The following GDF1 variants were observed in gnomAD, a reference collection of about 807,000 sequenced individuals.
GDF1 encodes the protein embryonic growth/differentiation factor 1.
GDF1 carries 8 observed loss-of-function variants against 7.4 expected under a neutral mutation model. The ratio of observed to expected loss-of-function variants is 1.09; its 90% CI spans 0.64 to 1.96. The LOEUF is 1.96. Ranked by LOEUF, GDF1 falls within the 30% of genes most tolerant of loss-of-function variation. The pLI is 0.00. For synonymous variants in GDF1, 311 were observed against 276.7 expected (o/e 1.12, Z -1.23); for missense variants, 574 against 551.5 (o/e 1.04, Z -0.41).
chr19:18,889,381 G>A (rs542275008), intron 2 of GDF1, among the ~76,000 whole-genome samples: 136 of 152,084 alleles, frequency 8.9e-4, no homozygotes, highest in South Asian at 7.3e-3. Flanking sequence ...CACAGGATAG[G>A]GGGGAAGTCC....
rs886786707 is a variant in GDF1 at position 18,870,266 on chromosome 19, G to T, written c.42C>A (p.Leu14=). The change falls in exon 7 of 8, where the codon CTC becomes CTA. Residue 14 remains leucine, a synonymous_variant. Transcript: ENST00000247005. This position sits in a 1 kb window ranked among gnomAD's most constrained non-coding sequence, Gnocchi z 5.1. ...AGGGCAGCAGCAGGGCCAGGAGGAG[G>T]AGGAGGTGGTGGCCGCAGGGACCTT... is the stretch of plus-strand genomic sequence containing the variant. The part of the protein sequence containing the change: ...PQQGPCGHHL[L]LLLALLLPSL... 1 of 1,550,942 alleles carries T rather than the reference G, an allele frequency of 6.4e-7. No individual in the cohort carries two copies. The highest frequency in any genetic ancestry group is 2.4e-5 in the East Asian group (1 of 41,806).
Position 18,870,325 on chromosome 19 carries a change from A to G in GDF1, c.-18T>C. Reference sequence around the variant, plus strand: ...GGTGGCATCTTCCTCCCAGGCGATGACCAGAGAGTGCGCAGGGTCCGCGGC... The same window carrying G: ...GGTGGCATCTTCCTCCCAGGCGATGGCCAGAGAGTGCGCAGGGTCCGCGGC... On this transcript the variant is annotated 5_prime_UTR_variant, in exon 7 of 8. Coordinates refer to ENST00000247005, the MANE Select transcript of GDF1 (RefSeq NM_001492.6). This position sits in a 1 kb window ranked among gnomAD's most constrained non-coding sequence, Gnocchi z 5.1. 6.5e-7 allele frequency: 1 copy of G among 1,544,454 alleles called. No individual in the cohort carries two copies. The highest frequency in any genetic ancestry group is 1.4e-5 in the African/African-American group (1 of 72,674).
chr19:18,871,345 G>C (rs888556769), intron 6 of GDF1, among the ~76,000 whole-genome samples: 2 of 150,770 alleles, frequency 1.3e-5, no homozygotes, highest in Non-Finnish European at 2.9e-5. Flanking sequence ...TCCTGCCTCA[G>C]CCTCCTGAGT....
Position 18,870,156 on chromosome 19 carries a change from C to G in GDF1, c.152G>C (p.Gly51Ala), listed in dbSNP as rs1011691382. 6.4e-7 allele frequency: 1 copy of G among 1,562,784 alleles called. No homozygotes were observed. ...QALGLRDEPQGAPRLRPVPPV... is the reference protein window; with the variant it reads ...QALGLRDEPQAAPRLRPVPPV... Reference sequence around the variant, plus strand: ...GGGAACCGGCCGGAGCCTGGGGGCACCCTGGGGCTCATCGCGCAGTCCTAG... The same window carrying G: ...GGGAACCGGCCGGAGCCTGGGGGCAGCCTGGGGCTCATCGCGCAGTCCTAG... Residue 51 changes from glycine to alanine, a missense_variant, in exon 7 of 8, where the codon GGT becomes GCT. By Grantham distance (60) the Gly-to-Ala change is moderately conservative (BLOSUM62 0). Coordinates refer to ENST00000247005, the MANE Select transcript of GDF1 (RefSeq NM_001492.6). The surrounding 1 kb of genome is among the most constrained non-coding windows in gnomAD (Gnocchi z 5.1).
chr19:18,890,222 CCT>C (rs951459567), intron 2 of GDF1, among the ~76,000 whole-genome samples: 2 of 152,228 alleles, frequency 1.3e-5, no homozygotes, highest in Non-Finnish European at 1.5e-5. Context: ...TGGGGCCACC[CCT>C]GTCCCTGCTA....
intron 2 of GDF1, among the ~76,000 whole-genome samples, chr19:18,884,511 G>A (rs963229890): frequency 4.6e-5 from 7 of 151,004 alleles, no homozygotes; most frequent in Non-Finnish European, 7.4e-5. Flanking sequence ...GGGTTCAAAC[G>A]ATTCTCCTGC....
intron 2 of GDF1, among the ~76,000 whole-genome samples, chr19:18,884,798 C>A (rs993611759): frequency 6.7e-6 from 1 of 149,220 alleles, no homozygotes; most frequent in African/African-American, 2.5e-5. Flanking sequence ...ACTGCAACCT[C>A]CACCTCCCAG....
At chr19:18,882,694 C>T (rs62138063) in intron 3 of GDF1, among the ~76,000 whole-genome samples, 122,517 of 150,884 alleles carry the variant, frequency 0.81, 49,758 homozygotes, top group Admixed American at 0.86. Context: ...TATTTATGTA[C>T]GTGTTTGTTT....
In GDF1 at chr19:18,878,931, C is replaced by T. The variant is rs761766419; in HGVS notation, c.-314G>A. 20 of 1,613,442 alleles carry T rather than the reference C, an allele frequency of 1.2e-5. No homozygotes were observed. Among genetic ancestry groups the T allele is most frequent in the Middle Eastern group, 1.6e-4 (1 of 6,080 alleles). On this transcript the variant is annotated splice_region_variant and 5_prime_UTR_variant, in exon 6 of 8. Coordinates refer to ENST00000247005, the MANE Select transcript of GDF1 (RefSeq NM_001492.6). The surrounding 1 kb of genome is among the most constrained non-coding windows in gnomAD (Gnocchi z 4.6). Reference sequence around the variant, plus strand: ...GGGTGCGGGCCCCTCCACACTCACTCGGCTTTGCTGGGCTTCAGGCTCTGG... The same window carrying T: ...GGGTGCGGGCCCCTCCACACTCACTTGGCTTTGCTGGGCTTCAGGCTCTGG...
intron 3 of GDF1, among the ~76,000 whole-genome samples, chr19:18,882,631 T>C (rs1048364887): frequency 2.0e-5 from 3 of 150,742 alleles, no homozygotes; most frequent in East Asian, 2.0e-4. Context: ...AGCGAGACTC[T>C]GTCTCAAAAA....
intron 6 of GDF1, among the ~76,000 whole-genome samples, chr19:18,875,125 A>T (rs1403410224): frequency 1.3e-5 from 2 of 151,984 alleles, no homozygotes; most frequent in Non-Finnish European, 2.9e-5. Context: ...GGTTCCAGCT[A>T]CTTGGGAGGC....
chr19:18,884,383 C>A (rs1429779822), intron 2 of GDF1, 116 bp from the exon 3 acceptor site: 2 of 901,530 alleles, frequency 2.2e-6, no homozygotes, highest in Non-Finnish European at 3.2e-6. Flanking sequence ...GGTAACCATG[C>A]GTGTCTGACT....
intron 2 of GDF1, among the ~76,000 whole-genome samples, chr19:18,892,645 A>G (rs1180333685): frequency 1.3e-5 from 2 of 151,910 alleles, no homozygotes; most frequent in African/African-American, 4.8e-5. Flanking sequence ...TCCAGAACAG[A>G]ACTCAAGCTG....
chr19:18,890,276 CTT>C lies in GDF1; in HGVS notation c.-914+3138_-914+3139del, dbSNP rs149000123. Among the ~76,000 whole-genome samples the C allele has an allele frequency of 1.6e-3, 246 of 152,352 alleles. 2 individuals are homozygous for C. Among genetic ancestry groups the C allele is most frequent in the African/African-American group, 5.7e-3 (238 of 41,582 alleles). ...ACCTCCCCAACACAGCACACTGCCT[CTT>C]CTCTCCACACAAGTTTTCTCATCCA... On this transcript the variant is annotated intron_variant, in intron 2 of 7. Coordinates refer to ENST00000247005, the MANE Select transcript of GDF1 (RefSeq NM_001492.6).
At chr19:18,879,202 C>A in intron 5 of GDF1, 39 bp downstream of exon 5, 1 of 1,611,162 alleles carries the variant, frequency 6.2e-7, no homozygotes, top group Non-Finnish European at 8.5e-7. Context: ...GGGACGAGGA[C>A]GGGACCGCCA....
At chr19:18,873,696 G>C (rs1179371106) in intron 6 of GDF1, among the ~76,000 whole-genome samples, 1 of 151,766 alleles carries the variant, frequency 6.6e-6, no homozygotes, top group East Asian at 1.9e-4. Flanking sequence ...ACAACTATTA[G>C]CCAGGTGTGG....
chr19:18,888,496 C>T (rs544541512), intron 2 of GDF1, among the ~76,000 whole-genome samples: 19 of 121,722 alleles, frequency 1.6e-4, no homozygotes, highest in East Asian at 1.5e-3. Context: ...CCAGCCTGGG[C>T]GACAGAGTGA....
intron 4 of GDF1, 26 bp from the exon 5 acceptor site, chr19:18,879,414 G>A (rs781448781): frequency 1.0e-5 from 16 of 1,551,440 alleles, no homozygotes; most frequent in Middle Eastern, 1.7e-4. Flanking sequence ...TCAGGAGGCC[G>A]TGGGTGGAGG....
intron 6 of GDF1, among the ~76,000 whole-genome samples, chr19:18,877,081 C>G (rs375466497): frequency 2.6e-5 from 4 of 152,246 alleles, no homozygotes; most frequent in South Asian, 2.1e-4. Context: ...TACCCAACTG[C>G]ACTAACTCCG....
Sources: allele counts gnomAD v4.1 joint callset (sites outside exome capture counted in the v4.1 genomes callset), GRCh38; gene constraint gnomAD v4.1.1; non-coding constraint Gnocchi (gnomAD v3.1); transcripts MANE v1.5; gene names NCBI Gene and HGNC (gene_info 2026-07-23, HGNC 2026-07-21).